THADA: variants seen among roughly 807,000 people sequenced by gnomAD.
THADA encodes the protein tRNA (32-2'-O)-methyltransferase regulator THADA.
A neutral mutation model predicts 219.8 loss-of-function variants in THADA; 213 were observed. That is an observed-to-expected ratio of 0.97 (90% CI 0.87 to 1.09). The LOEUF is 1.09. THADA is among the 50% of genes least tolerant of loss of function. The probability of loss-of-function intolerance (pLI) is 0.00; values close to 1 mark genes in which losing one functional copy is unlikely to be tolerated. For missense variants in THADA, 2,956 were observed against 2,311.3 expected (o/e 1.28, Z -5.72); for synonymous variants, 1,018 against 828.9 (o/e 1.23, Z -3.92).
intron 31 of THADA, among the ~76,000 whole-genome samples, chr2:43,316,937 AT>A (rs1292954924): frequency 1.3e-5 from 2 of 152,232 alleles, no homozygotes; most frequent in African/African-American, 4.8e-5. Context: ...CAACAAAAAA[AT>A]ATTAATAATA....
rs537224026 is a variant in THADA, at chr2:43,274,578, T to A, written c.5296+5187A>T. Among the ~76,000 whole-genome samples, 16 of 152,172 alleles carry A rather than the reference T, an allele frequency of 1.1e-4. No individual in the cohort carries two copies. The East Asian group carries it at 1.9e-3, about 18-fold the overall frequency. On this transcript the variant is annotated intron_variant, in intron 36 of 37. Coordinates refer to ENST00000405975, the MANE Select transcript of THADA (RefSeq NM_022065.5). ...TAGCAAAGGCTCTGTGATGATACAA[T>A]AACCAAATGCTGCAGCGGCTCAGGG...
chr2:43,427,503 T>TTGTGTG (rs70963397), intron 28 of THADA, among the ~76,000 whole-genome samples: 3,239 of 140,596 alleles, frequency 0.023, 51 homozygotes, highest in East Asian at 0.082. Context: ...CTCCCAAAGT[T>TTGTGTG]TGTGTGTGTG....
chr2:43,536,103 A>G (rs538540656), intron 21 of THADA, among the ~76,000 whole-genome samples: 5 of 152,188 alleles, frequency 3.3e-5, no homozygotes, highest in Non-Finnish European at 5.9e-5. Context: ...TGCCCAGCCT[A>G]TTCATTTTGA....
chr2:43,232,872 G>GA lies in THADA; in HGVS notation c.5306dup (p.Cys1770LeufsTer18). On this transcript the variant is annotated frameshift_variant, in exon 37 of 38. Coordinates refer to ENST00000405975, the MANE Select transcript of THADA (RefSeq NM_022065.5). LOFTEE classifies it high-confidence loss of function. ...GAGCGATGGAGGCATCCACCTGGCAGAAGGCAAACTCTGCAAAGACAGGAG... is the reference window on the plus strand; with the variant it reads ...GAGCGATGGAGGCATCCACCTGGCAGAAAGGCAAACTCTGCAAAGACAGGAG... 6.2e-7 allele frequency: 1 copy of GA among 1,609,644 alleles called. No homozygotes were observed. The highest frequency in any genetic ancestry group is 8.5e-7 in the Non-Finnish European group (1 of 1,178,310).
intron 29 of THADA, among the ~76,000 whole-genome samples, chr2:43,353,410 C>G (rs756079367): frequency 1.3e-5 from 2 of 152,258 alleles, no homozygotes; most frequent in East Asian, 1.9e-4. Flanking sequence ...TTGATTTCAT[C>G]TGAATGCAAA....
rs116812072 is a variant in THADA, at chr2:43,333,973, G to A, written c.4343+10149C>T. On this transcript the variant is annotated intron_variant, in intron 30 of 37. Coordinates refer to ENST00000405975, the MANE Select transcript of THADA (RefSeq NM_022065.5). The stretch of plus-strand genomic sequence containing the variant: ...CTCTTGTGTGAATAAATTTGGTGGT[G>A]AGAAAATAAATGCTGTTTTCAGCTG... 6.0e-3 allele frequency among the ~76,000 whole-genome samples: 913 copies of A among 152,302 alleles called. 12 individuals carry two copies. Among genetic ancestry groups the A allele is most frequent in the African/African-American group, 0.021 (862 of 41,554 alleles).
intron 30 of THADA, among the ~76,000 whole-genome samples, chr2:43,323,060 TC>T (rs1678931320): frequency 6.6e-6 from 1 of 152,168 alleles, no homozygotes; most frequent in Non-Finnish European, 1.5e-5. Context: ...TCGGTTCTGA[TC>T]ATCACTCCTT....
At chr2:43,455,504 GCTCT>G (rs371767650) in intron 26 of THADA, among the ~76,000 whole-genome samples, 15 of 149,578 alleles carry the variant, frequency 1.0e-4, no homozygotes, top group East Asian at 2.0e-4. Flanking sequence ...ACGTGCTCTC[GCTCT>G]CTCTCTCTCT....
chr2:43,465,659 T>C (rs1255480707), intron 26 of THADA, among the ~76,000 whole-genome samples: 4 of 152,212 alleles, frequency 2.6e-5, no homozygotes, highest in Non-Finnish European at 5.9e-5. Context: ...CTCACTTAAA[T>C]ACTGATGCTT....
intron 36 of THADA, among the ~76,000 whole-genome samples, chr2:43,269,823 T>C (rs1006783727): frequency 3.3e-5 from 5 of 152,164 alleles, no homozygotes; most frequent in Non-Finnish European, 7.3e-5. Context: ...CCACTGACAA[T>C]ACTGAAGAAC....
At chr2:43,521,718 C>T (rs1389793441) in intron 22 of THADA, among the ~76,000 whole-genome samples, 1 of 152,222 alleles carries the variant, frequency 6.6e-6, no homozygotes, top group African/African-American at 2.4e-5. Flanking sequence ...GTTCCATAAA[C>T]AGATTACTCC....
chr2:43,489,874 C>CAAAAGAAAAAAAAAAAAAAA (rs1687405107), intron 25 of THADA, among the ~76,000 whole-genome samples: 1 of 56,088 alleles, frequency 1.8e-5, no homozygotes, highest in African/African-American at 6.7e-5. Flanking sequence ...TTAAGATCTG[C>CAAAAGAAAAAAAAAAAAAAA]AAAAAAAAAA....
intron 26 of THADA, among the ~76,000 whole-genome samples, chr2:43,432,739 A>C (rs933631851): frequency 2.0e-5 from 3 of 152,110 alleles, no homozygotes; most frequent in Non-Finnish European, 4.4e-5. Context: ...GCAACAGTGT[A>C]TCTCCCATGA....
chr2:43,482,927 T>C (rs1686410582), intron 26 of THADA, among the ~76,000 whole-genome samples: 1 of 152,156 alleles, frequency 6.6e-6, no homozygotes, highest in African/African-American at 2.4e-5. Flanking sequence ...ATTCCTGGTA[T>C]ATAGATGGAG....
chr2:43,430,936 G>C (rs1297889868), intron 26 of THADA, among the ~76,000 whole-genome samples: 1 of 152,218 alleles, frequency 6.6e-6, no homozygotes, highest in Non-Finnish European at 1.5e-5. Context: ...GAGAAGTACA[G>C]TCTTGGCATG....
chr2:43,447,481 C>T (rs1187770818), intron 26 of THADA, among the ~76,000 whole-genome samples: 1 of 152,212 alleles, frequency 6.6e-6, no homozygotes, highest in East Asian at 1.9e-4. Context: ...GATCCCCTTT[C>T]CCTTACAAGA....
intron 16 of THADA, among the ~76,000 whole-genome samples, chr2:43,559,641 C>G (rs1283186844): frequency 1.3e-5 from 2 of 152,202 alleles, no homozygotes; most frequent in African/African-American, 4.8e-5. Context: ...GTGTTCACTT[C>G]CAACCCCACC....
Position 43,232,790 on chromosome 2 carries a change from G to A in THADA, c.5389C>T (p.Pro1797Ser). The A allele has an allele frequency of 1.2e-6, 2 of 1,613,514 alleles. No homozygotes were observed. ...CATCCCAGCAGGATGGGCAGTCCAG[G>A]GGCCAACTGGTCCCACTGCTGGAGC... ...DLLQQWDQLA[P>S]GLPILLGWLL... The change falls in exon 37 of 38, where the codon CCT becomes TCT. Residue 1797 changes from proline (P) to serine (S), a missense_variant. Physicochemically the swap from Pro to Ser is moderately conservative, Grantham distance 74 (BLOSUM62 -1). Coordinates refer to ENST00000405975, the MANE Select transcript of THADA (RefSeq NM_022065.5).
In THADA at chr2:43,286,983, C is replaced by G. The variant is rs765010895; in HGVS notation, c.5089G>C (p.Glu1697Gln). Residue 1697 changes from glutamate (E) to glutamine (Q), a missense_variant, in exon 35 of 38, where the codon GAG becomes CAG. Physicochemically the swap from Glu to Gln is conservative, Grantham distance 29. Coordinates refer to ENST00000405975, the MANE Select transcript of THADA (RefSeq NM_022065.5). Reference protein sequence around the residue: ...ILSCEDHLPTESRLAVVEVLT... With the variant: ...ILSCEDHLPTQSRLAVVEVLT... ...ACTTCAACGACGGCCAGCCTAGACTCTGTAGGAAGATGGTCTTCACATGAC... is the reference window on the plus strand; with the variant it reads ...ACTTCAACGACGGCCAGCCTAGACTGTGTAGGAAGATGGTCTTCACATGAC... The G allele has an allele frequency of 4.3e-5, 70 of 1,613,882 alleles. No individual in the cohort carries two copies. The highest frequency in any genetic ancestry group is 4.7e-5 in the Non-Finnish European group (55 of 1,179,904).
Sources: gnomAD v4.1 joint callset for allele counts (sites outside exome capture counted in the v4.1 genomes callset) on GRCh38, gnomAD v4.1.1 for gene constraint, MANE v1.5 for transcripts, NCBI Gene and HGNC (gene_info 2026-07-23, HGNC 2026-07-21) for gene names.